Variants in KBTBD11 observed in about 807,000 individuals in gnomAD.
The protein encoded by KBTBD11 is kelch repeat and BTB domain-containing protein 11.
For missense variants in KBTBD11, 1,390 were observed against 1,001.8 expected, an observed-to-expected ratio of 1.39 and a Z score of -5.23; for synonymous variants, 747 against 499.0, an observed-to-expected ratio of 1.50 and a Z score of -6.63.
intron 1 of KBTBD11, among the ~76,000 whole-genome samples, chr8:1,978,980 C>T (rs1816445560): frequency 6.6e-6 from 1 of 152,198 alleles, no homozygotes; most frequent in African/African-American, 2.4e-5. Context: ...AGTGCACAGC[C>T]CTGGGCAGGC....
intron 1 of KBTBD11, among the ~76,000 whole-genome samples, chr8:1,993,157 G>T (rs548604130): frequency 5.3e-5 from 8 of 152,014 alleles, no homozygotes; most frequent in African/African-American, 1.7e-4. Context: ...ATGTTGCCCA[G>T]ACTGGCCTCG....
rs374932307 is a variant in KBTBD11 at position 1,980,496 on chromosome 8, A to T, written c.-909+6561A>T. ...TGCCTCGGCCTCCCAAAGTGCAGGG[A>T]TTACAGATGTGAGCCACCACACCCA... On this transcript the variant is annotated intron_variant, in intron 1 of 1. Coordinates refer to ENST00000320248, the MANE Select transcript of KBTBD11 (RefSeq NM_014867.3). 2.6e-4 allele frequency among the ~76,000 whole-genome samples: 40 copies of T among 152,276 alleles called. No homozygotes were observed. The East Asian group carries it at 7.3e-3, about 28-fold the overall frequency.
At chr8:1,975,178 C>T (rs1207819681) in intron 1 of KBTBD11, 1 of 152,260 alleles carries the variant, frequency 6.6e-6, no homozygotes, top group Non-Finnish European at 1.5e-5. Context: ...TTTATGGTAA[C>T]TGGCATTGCA....
At chr8:1,998,571 G>C (rs894902913) in intron 1 of KBTBD11, among the ~76,000 whole-genome samples, 4 of 152,206 alleles carry the variant, frequency 2.6e-5, no homozygotes, top group Non-Finnish European at 4.4e-5. Flanking sequence ...AGTCCAGCCA[G>C]AGAAAGAACT....
At chr8:1,977,826 A>C (rs187516056) in intron 1 of KBTBD11, among the ~76,000 whole-genome samples, 1 of 151,756 alleles carries the variant, frequency 6.6e-6, no homozygotes, top group African/African-American at 2.4e-5. Context: ...ATGAACCACC[A>C]CTCCCAGCTC....
intron 1 of KBTBD11, among the ~76,000 whole-genome samples, chr8:1,978,485 G>A (rs1382343507): frequency 1.3e-5 from 2 of 152,202 alleles, no homozygotes; most frequent in Admixed American, 6.5e-5. Context: ...CTGTGTGACC[G>A]TCCATGTACT....
At chr8:1,976,423 C>G (rs1046362032) in intron 1 of KBTBD11, 1 of 152,168 alleles carries the variant, frequency 6.6e-6, no homozygotes. Context: ...TTTTTGCCAA[C>G]AGCCAGGTTC....
intron 1 of KBTBD11, among the ~76,000 whole-genome samples, chr8:1,991,086 TGTCCGGGTAGATGCTGCCGGGCCTTGGC>T (rs1816897608): frequency 6.9e-6 from 1 of 144,856 alleles, no homozygotes; most frequent in African/African-American, 2.6e-5. Flanking sequence ...CTTGGCGCCC[TGTCCGGGTAGATGCTGCCGGGCCTTGGC>T]GCCCTGTCCG....
At chr8:1,974,231 G>C in intron 1 of KBTBD11, 1 of 931,146 alleles carries the variant, frequency 1.1e-6, no homozygotes, top group East Asian at 1.2e-4. Flanking sequence ...AGGCCGCGTG[G>C]GGGGCGTGGG....
Position 2,003,146 on chromosome 8 carries a change from G to T in KBTBD11, c.*82G>T. The T allele has an allele frequency of 8.0e-7, 1 of 1,247,170 alleles. No homozygotes were observed. Among genetic ancestry groups the T allele is most frequent in the Non-Finnish European group, 1.0e-6 (1 of 988,464 alleles). The allele number at this position is 1,247,170 out of a possible 1,614,324, so 77.3% of individuals were successfully genotyped here. On this transcript the variant is annotated 3_prime_UTR_variant, in exon 2 of 2. Transcript: ENST00000320248. ...TTGGGCCCGCGGAGGAGGACGTGGT[G>T]GGGAGTCGGGGCCGCTGGCCACGCT...
chr8:2,002,769 G>A lies in KBTBD11; in HGVS notation c.1577G>A (p.Arg526Gln), dbSNP rs1817438491. The A allele has an allele frequency of 1.4e-6, 2 of 1,478,524 alleles. No individual in the cohort carries two copies. The highest frequency in any genetic ancestry group is 2.7e-5 in the East Asian group (1 of 36,426). 91.6% of individuals were successfully genotyped at this position (1,478,524 alleles called of 1,614,324 possible). A position where few individuals can be genotyped will look rare whatever the true frequency, so the allele number is the denominator to read the frequency against. Residue 526 changes from arginine to glutamine, a missense_variant, in exon 2 of 2, where the codon CGA (arginine) becomes CAA (glutamine). Transcript: ENST00000320248. This position sits in a 1 kb window ranked among gnomAD's most constrained non-coding sequence, Gnocchi z 4.1. ...AAGPSGVSVS[R>Q]YHCLAKQWSP... Reference sequence around the variant, plus strand: ...GGGCCGAGCGGGGTCAGCGTGTCCCGATACCACTGCCTGGCCAAGCAGTGG... The same window carrying A: ...GGGCCGAGCGGGGTCAGCGTGTCCCAATACCACTGCCTGGCCAAGCAGTGG...
Position 2,002,479 on chromosome 8 carries a change from C to T in KBTBD11, c.1287C>T (p.Asp429=). The T allele has an allele frequency of 6.6e-7, 1 of 1,509,106 alleles. No individual in the cohort carries two copies. Among genetic ancestry groups the T allele is most frequent in the Non-Finnish European group, 8.8e-7 (1 of 1,137,190 alleles). 93.5% of individuals were successfully genotyped at this position (1,509,106 alleles called of 1,614,324 possible). The part of the protein sequence containing the change: ...GECLLSVERY[D]PRADRWAPVA... ...GCCTGCTCAGCGTGGAGCGCTACGA[C>T]CCGCGCGCCGACCGCTGGGCCCCCG... Residue 429 remains aspartate, a synonymous_variant, in exon 2 of 2, where the codon GAC becomes GAT. Coordinates refer to ENST00000320248, the MANE Select transcript of KBTBD11 (RefSeq NM_014867.3). This position sits in a 1 kb window ranked among gnomAD's most constrained non-coding sequence, Gnocchi z 4.1.
intron 1 of KBTBD11, chr8:1,974,684 C>T (rs1459480530): frequency 2.0e-6 from 2 of 985,408 alleles, no homozygotes; most frequent in Non-Finnish European, 2.4e-6. Context: ...GGGAGACCCC[C>T]GGGCGGTCTG....
intron 1 of KBTBD11, among the ~76,000 whole-genome samples, chr8:1,988,869 T>A (rs1227736900): frequency 6.7e-6 from 1 of 149,792 alleles, no homozygotes; most frequent in Non-Finnish European, 1.5e-5. Flanking sequence ...TAATTAATTA[T>A]CATTATTAAC....
rs187994824 is a variant in KBTBD11, at chr8:1,974,806, C to T, written c.-909+871C>T. Reference sequence around the variant, plus strand: ...TAGAGTCCTACAAAACCACGTTTCCCCCTCCACCCACTCCAGTGTCTATTC... The same window carrying T: ...TAGAGTCCTACAAAACCACGTTTCCTCCTCCACCCACTCCAGTGTCTATTC... On this transcript the variant is annotated intron_variant, in intron 1 of 1. Transcript: ENST00000320248. The T allele has an allele frequency of 9.6e-4, 496 of 517,350 alleles. 3 individuals carry two copies. The African/African-American group carries it at 9.8e-3, about 10-fold the overall frequency. The allele number at this position is 517,350 out of a possible 1,614,324, so 32.0% of individuals were successfully genotyped here.
chr8:2,001,104 C>T lies in KBTBD11; in HGVS notation c.-89C>T, dbSNP rs536828995. 7 of 1,261,984 alleles carry T rather than the reference C, an allele frequency of 5.5e-6. No homozygotes were observed. In the African/African-American group the frequency reaches 1.1e-4, roughly 20 times the overall value. 78.2% of individuals were successfully genotyped at this position (1,261,984 alleles called of 1,614,324 possible). A position where few individuals can be genotyped will look rare whatever the true frequency, so the allele number is the denominator to read the frequency against. On this transcript the variant is annotated 5_prime_UTR_variant, in exon 2 of 2. Transcript: ENST00000320248. The stretch of plus-strand genomic sequence containing the variant: ...TCGCGTGCCAGGAAAAGCTGTGAGG[C>T]TGGAAACCCCGGAGTAAGGCTCGAC...
chr8:2,001,830 G>A lies in KBTBD11; in HGVS notation c.638G>A (p.Arg213His). The change falls in exon 2 of 2, where the codon CGC (arginine) becomes CAC (histidine). Residue 213 changes from arginine to histidine, a missense_variant. Coordinates refer to ENST00000320248, the MANE Select transcript of KBTBD11 (RefSeq NM_014867.3). ...GCCGAGGTGGTGGCCGGCGCGCGCC[G>A]CCTGCAGCTGCCCGGCGCCGCGCAG... ...NVAEVVAGAR[R>H]LQLPGAAQRA... The A allele has an allele frequency of 8.2e-7, 1 of 1,215,808 alleles. No individual in the cohort carries two copies. Among genetic ancestry groups the A allele is most frequent in the Non-Finnish European group, 1.0e-6 (1 of 981,116 alleles). 75.3% of individuals were successfully genotyped at this position (1,215,808 alleles called of 1,614,324 possible). A position where few individuals can be genotyped will look rare whatever the true frequency, so the allele number is the denominator to read the frequency against.
At chr8:1,974,369 C>A (rs1183684250) in intron 1 of KBTBD11, 1 of 984,620 alleles carries the variant, frequency 1.0e-6, no homozygotes, top group Non-Finnish European at 1.2e-6. Flanking sequence ...CCAGCCGGCA[C>A]GGAAGCAGGA....
intron 1 of KBTBD11, among the ~76,000 whole-genome samples, chr8:1,988,508 C>T (rs1051340356): frequency 2.0e-5 from 3 of 152,166 alleles, no homozygotes. Flanking sequence ...TTTCATGTGT[C>T]TGTCGGCTGC....
Sources: allele counts gnomAD v4.1 joint callset (sites outside exome capture counted in the v4.1 genomes callset), GRCh38; gene constraint gnomAD v4.1.1; non-coding constraint Gnocchi (gnomAD v3.1); transcripts MANE v1.5; gene names NCBI Gene and HGNC (gene_info 2026-07-23, HGNC 2026-07-21).